Variants in EYS observed in about 807,000 individuals in gnomAD.
EYS encodes the protein EGF-like photoreceptor maintenance factor, also known as protein eyes shut homolog.
A neutral mutation model predicts 282.1 loss-of-function variants in EYS; 250 were observed. That is an observed-to-expected ratio of 0.89 (90% CI 0.80 to 0.98). EYS has a LOEUF of 0.98. EYS is among the 50% of genes least tolerant of loss of function. The pLI is 0.00. For synonymous variants in EYS, 1,355 were observed against 1,282.9 expected (o/e 1.06, Z -1.20); for missense variants, 4,016 against 3,709.0 (o/e 1.08, Z -2.15).
intron 14 of EYS, among the ~76,000 whole-genome samples, chr6:64,961,517 A>G (rs1266759152): frequency 6.6e-6 from 1 of 152,040 alleles, no homozygotes; most frequent in Non-Finnish European, 1.5e-5. Context: ...ATATACATGC[A>G]TATCTGTGTG....
At chr6:65,677,309 T>C (rs960723493) in intron 1 of EYS, among the ~76,000 whole-genome samples, 1 of 151,808 alleles carries the variant, frequency 6.6e-6, no homozygotes, top group Admixed American at 6.6e-5. Context: ...TGACCTTACA[T>C]GTAGAAAACA....
intron 15 of EYS, among the ~76,000 whole-genome samples, chr6:64,915,623 T>G (rs1768136544): frequency 6.6e-6 from 1 of 152,132 alleles, no homozygotes; most frequent in Non-Finnish European, 1.5e-5. Flanking sequence ...AGAATACATT[T>G]TCTGACCTAT....
At chr6:65,045,772 C>T (rs1773083031) in intron 13 of EYS, among the ~76,000 whole-genome samples, 1 of 151,746 alleles carries the variant, frequency 6.6e-6, no homozygotes, top group Admixed American at 6.6e-5. Context: ...TTTAATTGTC[C>T]TAGAGGGTTT....
chr6:64,655,926 A>G (rs1008394663), intron 22 of EYS, among the ~76,000 whole-genome samples: 4 of 152,138 alleles, frequency 2.6e-5, no homozygotes, highest in African/African-American at 9.7e-5. Context: ...AAAAATATGT[A>G]AATTTATAAT....
At chr6:64,884,517 C>T (rs1002136806) in intron 19 of EYS, among the ~76,000 whole-genome samples, 7 of 151,148 alleles carry the variant, frequency 4.6e-5, no homozygotes, top group African/African-American at 1.5e-4. Context: ...ATGGAACAAC[C>T]TAAAAATGAA....
intron 5 of EYS, among the ~76,000 whole-genome samples, chr6:65,463,649 T>C (rs1764896220): frequency 6.6e-6 from 1 of 152,168 alleles, no homozygotes; most frequent in African/African-American, 2.4e-5. Context: ...TATTGCTTGA[T>C]GTGTTTATTT....
chr6:64,429,264 T>A (rs1774506935), intron 28 of EYS, among the ~76,000 whole-genome samples: 1 of 152,300 alleles, frequency 6.6e-6, no homozygotes, highest in African/African-American at 2.4e-5. Flanking sequence ...ACTTTTTAAA[T>A]TATTTTGTGT....
chr6:64,490,060 T>A (rs1776690618), intron 26 of EYS, among the ~76,000 whole-genome samples: 1 of 150,880 alleles, frequency 6.6e-6, no homozygotes, highest in Non-Finnish European at 1.5e-5. Flanking sequence ...GAATGTTTAT[T>A]CATTTAAAAA....
chr6:64,703,256 T>G (rs1047823850), intron 22 of EYS, among the ~76,000 whole-genome samples: 2 of 151,118 alleles, frequency 1.3e-5, no homozygotes, highest in African/African-American at 4.9e-5. Flanking sequence ...TAGCTAAATG[T>G]TATCTTATTA....
At chr6:64,628,034 C>T (rs904992387) in intron 22 of EYS, among the ~76,000 whole-genome samples, 3 of 152,184 alleles carry the variant, frequency 2.0e-5, no homozygotes, top group African/African-American at 7.2e-5. Flanking sequence ...GAGCCCAGAT[C>T]ACGCCACTGC....
At chr6:64,159,387 C>T (rs1401864641) in intron 31 of EYS, among the ~76,000 whole-genome samples, 1 of 151,328 alleles carries the variant, frequency 6.6e-6, no homozygotes, top group Non-Finnish European at 1.5e-5. Context: ...GGTGAAACCC[C>T]GTCTCTACTA....
intron 18 of EYS, among the ~76,000 whole-genome samples, chr6:64,895,182 G>C (rs1211963073): frequency 6.6e-6 from 1 of 152,096 alleles, no homozygotes; most frequent in African/African-American, 2.4e-5. Context: ...ATGAATGATA[G>C]AATATTGTTG....
intron 15 of EYS, among the ~76,000 whole-genome samples, chr6:64,934,790 G>C (rs1333621296): frequency 6.6e-6 from 1 of 151,752 alleles, no homozygotes; most frequent in Non-Finnish European, 1.5e-5. Context: ...AAAATGAAAA[G>C]AAACTATAGA....
At chr6:64,517,204 A>C (rs16895426) in intron 26 of EYS, among the ~76,000 whole-genome samples, 7,823 of 151,836 alleles carry the variant, frequency 0.052, 679 homozygotes, top group African/African-American at 0.18. Context: ...ATAATTATGA[A>C]TAGAACCTCA....
At chr6:64,965,447 G>A (rs1770061064) in intron 14 of EYS, among the ~76,000 whole-genome samples, 1 of 151,810 alleles carries the variant, frequency 6.6e-6, no homozygotes, top group African/African-American at 2.4e-5. Flanking sequence ...GAAAGTAAAT[G>A]CATTGATATA....
In EYS at chr6:64,950,792, CATATACATATATATAT is replaced by C. The variant is rs1292765538; in HGVS notation, c.2260-4894_2260-4879del. On this transcript the variant is annotated intron_variant, in intron 14 of 42. Coordinates refer to ENST00000503581, the MANE Select transcript of EYS (RefSeq NM_001142800.2). ...TGAATAAAAAATATATACACATATA[CATATACATATATATAT>C]ATATATATATATATATATATATATA... Among the ~76,000 whole-genome samples the C allele has an allele frequency of 2.6e-3, 161 of 60,924 alleles. 6 individuals are homozygous for C. The highest frequency in any genetic ancestry group is 0.011 in the African/African-American group (148 of 14,014). 40.0% of individuals were successfully genotyped at this position (60,924 alleles called of 152,430 possible).
chr6:64,326,449 C>T (rs897539401), intron 29 of EYS, among the ~76,000 whole-genome samples: 18 of 152,194 alleles, frequency 1.2e-4, no homozygotes, highest in South Asian at 6.2e-4. Flanking sequence ...TAACTTGCTT[C>T]CCATCTCACA....
intron 13 of EYS, among the ~76,000 whole-genome samples, chr6:65,018,585 T>C (rs1772135009): frequency 1.3e-5 from 2 of 152,206 alleles, no homozygotes; most frequent in Admixed American, 6.5e-5. Flanking sequence ...GCTAAGTAAT[T>C]AGGACAACAA....
intron 15 of EYS, among the ~76,000 whole-genome samples, chr6:64,927,083 C>T (rs1294381334): frequency 6.6e-6 from 1 of 152,084 alleles, no homozygotes; most frequent in African/African-American, 2.4e-5. Flanking sequence ...TAGAAATGTT[C>T]AAATGCACAT....
Sources: gnomAD v4.1 joint callset for allele counts (sites outside exome capture counted in the v4.1 genomes callset) on GRCh38, gnomAD v4.1.1 for gene constraint, MANE v1.5 for transcripts, NCBI Gene and HGNC (gene_info 2026-07-23, HGNC 2026-07-21) for gene names.